The following FYB2 variants were observed in gnomAD, a reference collection of about 807,000 sequenced individuals.
FYB2 encodes the protein FYN binding protein 2, also known as FYN-binding protein 2.
Under a neutral mutation model 94.1 loss-of-function variants are expected in FYB2, and 103 were observed. The observed-to-expected ratio is 1.09, with a 90% confidence interval of 0.93 to 1.29. FYB2 has a LOEUF of 1.29. Ranked by LOEUF, FYB2 falls within the 50% of genes most tolerant of loss-of-function variation. The pLI, the probability that FYB2 is intolerant of heterozygous loss-of-function variation, is 0.00. For missense variants in FYB2, 896 were observed against 841.5 expected, an observed-to-expected ratio of 1.06 and a Z score of -0.80; for synonymous variants, 293 against 287.9, an observed-to-expected ratio of 1.02 and a Z score of -0.18.
chr1:56,720,411 T>C, intron 17 of FYB2, 82 bp from the exon 18 acceptor site: 1 of 1,280,192 alleles, frequency 7.8e-7, no homozygotes, highest in Admixed American at 2.7e-5. Context: ...TATAATATAG[T>C]AACTTCAAAA....
chr1:56,819,521 G>A, upstream of FYB2: 1 of 611,126 alleles, frequency 1.6e-6, no homozygotes, highest in Admixed American at 2.9e-5. Flanking sequence ...ACCAGCACCT[G>A]CAGGGGACTG....
At chr1:56,789,943 G>A (rs1218288297) in intron 2 of FYB2, among the ~76,000 whole-genome samples, 4 of 152,128 alleles carry the variant, frequency 2.6e-5, no homozygotes, top group Non-Finnish European at 4.4e-5. Context: ...TGGCTTCAAG[G>A]CTGACTTTGT....
intron 14 of FYB2, 191 bp from the exon 15 acceptor site, chr1:56,737,338 T>C (rs6658790): frequency 0.19 from 78,485 of 419,074 alleles, 9,227 homozygotes; most frequent in African/African-American, 0.4. Context: ...GGGAAGAAAT[T>C]CAACTGAAAG....
chr1:56,819,303 A>G lies in FYB2; in HGVS notation c.-13T>C. ...TTACCCCTTCCATTGCTTTCCTCCAAGGCAGAGTCAGGGAAACAAGCCCAG... is the reference window on the plus strand; with the variant it reads ...TTACCCCTTCCATTGCTTTCCTCCAGGGCAGAGTCAGGGAAACAAGCCCAG... On this transcript the variant is annotated 5_prime_UTR_variant, in exon 1 of 20. Coordinates refer to ENST00000343433, the MANE Select transcript of FYB2 (RefSeq NM_001004303.5). The G allele has an allele frequency of 1.2e-6, 2 of 1,614,204 alleles. No homozygotes were observed. The highest frequency in any genetic ancestry group is 2.2e-5 in the East Asian group (1 of 44,882).
chr1:56,761,918 T>G (rs908009826), intron 5 of FYB2: 1 of 152,212 alleles, frequency 6.6e-6, no homozygotes, highest in African/African-American at 2.4e-5. Context: ...GGTGTGAGAC[T>G]TAAGCCAAAG....
At chr1:56,789,862 C>CA (rs1646221421) in intron 2 of FYB2, among the ~76,000 whole-genome samples, 1 of 152,138 alleles carries the variant, frequency 6.6e-6, no homozygotes, top group Non-Finnish European at 1.5e-5. Context: ...GCACTTATGA[C>CA]ATGCAAATAA....
upstream of FYB2, among the ~76,000 whole-genome samples, chr1:56,820,409 C>T (rs907113234): frequency 6.6e-6 from 1 of 152,306 alleles, no homozygotes; most frequent in Admixed American, 6.5e-5. Context: ...GAGATGGAAA[C>T]CCAAACCTCA....
chr1:56,739,019 A>G (rs1202992956), intron 13 of FYB2, among the ~76,000 whole-genome samples: 2 of 152,068 alleles, frequency 1.3e-5, no homozygotes, highest in African/African-American at 4.8e-5. Flanking sequence ...GCATGGAGGC[A>G]TGAGACACCA....
chr1:56,762,065 G>A (rs1645508446), intron 5 of FYB2: 1 of 151,932 alleles, frequency 6.6e-6, no homozygotes, highest in Admixed American at 6.6e-5. Context: ...TTCTATTTCT[G>A]AATTCTCAAT....
chr1:56,746,422 A>G (rs1216868299), intron 9 of FYB2, among the ~76,000 whole-genome samples: 1 of 151,362 alleles, frequency 6.6e-6, no homozygotes, highest in Non-Finnish European at 1.5e-5. Context: ...TCTTTCTGCC[A>G]TTCTGTTTTC....
intron 17 of FYB2, among the ~76,000 whole-genome samples, chr1:56,721,049 A>G (rs1182903525): frequency 6.6e-6 from 1 of 152,052 alleles, no homozygotes; most frequent in African/African-American, 2.4e-5. Context: ...GTAGGAATTG[A>G]CTGTATCCAG....
intron 1 of FYB2, among the ~76,000 whole-genome samples, chr1:56,798,437 T>G (rs1256082878): frequency 6.6e-6 from 1 of 152,102 alleles, no homozygotes; most frequent in African/African-American, 2.4e-5. Context: ...GATATGGAAA[T>G]TAAGCAAGGA....
At chr1:56,745,652 C>T (rs563991530) in intron 9 of FYB2, among the ~76,000 whole-genome samples, 2 of 152,090 alleles carry the variant, frequency 1.3e-5, no homozygotes, top group East Asian at 1.9e-4. Flanking sequence ...CCGGTCTCCC[C>T]GATTTATCTC....
At chr1:56,791,942 TG>T in intron 2 of FYB2, 113 bp downstream of exon 2, 1 of 1,412,740 alleles carries the variant, frequency 7.1e-7, no homozygotes, top group Non-Finnish European at 9.4e-7. Flanking sequence ...GTGGAGAGTC[TG>T]GAGCCACATT....
At chr1:56,730,383 G>A (rs55672129) in intron 15 of FYB2, among the ~76,000 whole-genome samples, 32,684 of 96,010 alleles carry the variant, frequency 0.34, 5,434 homozygotes, top group Admixed American at 0.52. Flanking sequence ...AGGGGGAAAG[G>A]TAAAGGGAAG....
intron 15 of FYB2, among the ~76,000 whole-genome samples, chr1:56,732,952 G>A (rs923423274): frequency 6.6e-6 from 1 of 151,976 alleles, no homozygotes; most frequent in African/African-American, 2.4e-5. Flanking sequence ...GACCTCAGTA[G>A]CACAAGTAAC....
At chr1:56,820,452 G>A (rs1011593107), upstream of FYB2, among the ~76,000 whole-genome samples, 1 of 152,220 alleles carries the variant, frequency 6.6e-6, no homozygotes, top group African/African-American at 2.4e-5. Flanking sequence ...GCTCTCCCGG[G>A]GTTGGGGATG....
chr1:56,778,119 C>T (rs752948140), intron 4 of FYB2, among the ~76,000 whole-genome samples: 39 of 152,094 alleles, frequency 2.6e-4, no homozygotes, highest in Admixed American at 1.3e-3. Flanking sequence ...TCTACTACCT[C>T]GAAGACTTGG....
chr1:56,782,254 G>A (rs923521647), intron 4 of FYB2, among the ~76,000 whole-genome samples: 1 of 152,052 alleles, frequency 6.6e-6, no homozygotes, highest in African/African-American at 2.4e-5. Context: ...CAATCAGAGA[G>A]GCCTTTCTTG....
Sources: gnomAD v4.1 joint callset for allele counts (sites outside exome capture counted in the v4.1 genomes callset) on GRCh38, gnomAD v4.1.1 for gene constraint, MANE v1.5 for transcripts, NCBI Gene and HGNC (gene_info 2026-07-23, HGNC 2026-07-21) for gene names.